SUGCT: variants seen among roughly 807,000 people sequenced by gnomAD.
The protein encoded by SUGCT is succinyl-CoA:glutarate-CoA transferase.
Under a neutral mutation model 55.0 loss-of-function variants are expected in SUGCT, and 41 were observed. That is an observed-to-expected ratio of 0.74 (90% CI 0.58 to 0.97). The LOEUF (loss-of-function observed/expected upper bound fraction) is 0.97. SUGCT is among the 50% of genes least tolerant of loss of function. The pLI is 0.00. For missense variants in SUGCT, 568 were observed against 547.8 expected, an observed-to-expected ratio of 1.04 and a Z score of -0.37; for synonymous variants, 187 against 200.4, an observed-to-expected ratio of 0.93 and a Z score of 0.56.
intron 13 of SUGCT, among the ~76,000 whole-genome samples, chr7:40,785,837 C>T (rs1268633337): frequency 1.3e-5 from 2 of 152,084 alleles, no homozygotes; most frequent in East Asian, 1.9e-4. Context: ...CCAGTAATCC[C>T]AGCACTTTGG....
chr7:40,483,709 AAG>A, intron 11 of SUGCT, among the ~76,000 whole-genome samples: 1 of 151,946 alleles, frequency 6.6e-6, no homozygotes, highest in South Asian at 2.1e-4. Flanking sequence ...AAAAAAAAAA[AAG>A]AATAAAACAG....
At chr7:40,948,916 C>T in the SUGCT span, among the ~76,000 whole-genome samples, 6 of 152,132 alleles carry the variant, frequency 3.9e-5, no homozygotes, top group Admixed American at 1.3e-4. Context: ...AATAAACATA[C>T]GTATGCATGT....
At chr7:40,601,468 G>A (rs1798283158) in intron 12 of SUGCT, among the ~76,000 whole-genome samples, 1 of 152,172 alleles carries the variant, frequency 6.6e-6, no homozygotes, top group Non-Finnish European at 1.5e-5. Context: ...AACATTTTCT[G>A]AAGGTTTTGA....
intron 12 of SUGCT, among the ~76,000 whole-genome samples, chr7:40,595,081 CTAAG>C (rs1275876400): frequency 6.6e-6 from 1 of 152,112 alleles, no homozygotes; most frequent in African/African-American, 2.4e-5. Context: ...ATTTAATATT[CTAAG>C]TAAGAAACCA....
chr7:40,604,197 G>A lies in SUGCT; in HGVS notation c.1089+107811G>A, dbSNP rs146276984. Among the ~76,000 whole-genome samples the A allele has an allele frequency of 4.1e-3, 631 of 152,200 alleles. 2 individuals are homozygous for A. The highest frequency in any genetic ancestry group is 0.014 in the African/African-American group (583 of 41,526). On this transcript the variant is annotated intron_variant, in intron 12 of 13. Coordinates refer to ENST00000335693, the MANE Select transcript of SUGCT (RefSeq NM_001193313.2). ...GTGACATCTTTCTGAGTGTTCGCCC[G>A]AGGCCCTTGCTATCTCCTCCCTCTT...
At chr7:40,671,202 G>T (rs920312206) in intron 12 of SUGCT, among the ~76,000 whole-genome samples, 13 of 152,076 alleles carry the variant, frequency 8.5e-5, no homozygotes, top group Non-Finnish European at 4.4e-5. Context: ...CAATCTGTGG[G>T]ACACCATGGA....
rs1786124300 is a variant in SUGCT, at chr7:40,402,411, T to C, written c.817-46876T>C. Among the ~76,000 whole-genome samples the C allele has an allele frequency of 2.0e-5, 3 of 152,212 alleles. No individual in the cohort carries two copies. The South Asian group carries it at 6.2e-4, about 32-fold the overall frequency. On this transcript the variant is annotated intron_variant, in intron 9 of 13. Transcript: ENST00000335693. ...CTGTGCTATCTGACATCCTATGGCC[T>C]GGAAAACAACTGCCTCAATTAAGAA...
chr7:40,893,131 C>A, the SUGCT span, among the ~76,000 whole-genome samples: 1 of 151,942 alleles, frequency 6.6e-6, no homozygotes, highest in Non-Finnish European at 1.5e-5. Flanking sequence ...GAAGACATAA[C>A]AATTATAAAT....
rs1451230508 is a variant in SUGCT at position 40,663,215 on chromosome 7, T to C, written c.1090-86219T>C. 2.0e-5 allele frequency among the ~76,000 whole-genome samples: 3 copies of C among 152,186 alleles called. No individual in the cohort carries two copies. The East Asian group carries it at 5.8e-4, about 29-fold the overall frequency. ...GAATTGATCAGTCTTATGGACTTTGTTTAATTTTTAATTAAGGGTAATTCT... is the reference window on the plus strand; with the variant it reads ...GAATTGATCAGTCTTATGGACTTTGCTTAATTTTTAATTAAGGGTAATTCT... On this transcript the variant is annotated intron_variant, in intron 12 of 13. Transcript: ENST00000335693.
chr7:40,535,532 T>C (rs1167876017), intron 12 of SUGCT, among the ~76,000 whole-genome samples: 1 of 152,216 alleles, frequency 6.6e-6, no homozygotes, highest in Non-Finnish European at 1.5e-5. Context: ...CCAGCAATCC[T>C]ATTAGTGAGT....
At chr7:40,729,220 A>G (rs1044259805) in intron 12 of SUGCT, among the ~76,000 whole-genome samples, 13 of 152,180 alleles carry the variant, frequency 8.5e-5, no homozygotes, top group Admixed American at 3.9e-4. Flanking sequence ...GTACTCCAAC[A>G]TTTTTGTTTG....
At chr7:40,367,200 G>A (rs543793912) in intron 9 of SUGCT, among the ~76,000 whole-genome samples, 1 of 147,938 alleles carries the variant, frequency 6.8e-6, no homozygotes, top group Non-Finnish European at 1.5e-5. Context: ...TCACTCATAG[G>A]TGGGAATTGA....
chr7:40,465,315 G>A (rs190447760), intron 11 of SUGCT, among the ~76,000 whole-genome samples: 1 of 152,288 alleles, frequency 6.6e-6, no homozygotes, highest in East Asian at 1.9e-4. Flanking sequence ...CATTTAGGCT[G>A]GGTGCGGTGG....
At position 40,598,222 on chromosome 7, in the gene SUGCT, CCACAGCACT is replaced by C. The variant is rs573240199; in HGVS notation, c.1089+101839_1089+101847del. ...GCAGCAGTGTGAAAGGGTAACTGAA[CCACAGCACT>C]CAATATACTGGAACCATGCCTTTCT... On this transcript the variant is annotated intron_variant, in intron 12 of 13. Coordinates refer to ENST00000335693, the MANE Select transcript of SUGCT (RefSeq NM_001193313.2). Among the ~76,000 whole-genome samples, 510 of 152,276 alleles carry C rather than the reference CCACAGCACT, an allele frequency of 3.3e-3. 2 individuals are homozygous for C. The highest frequency in any genetic ancestry group is 0.012 in the African/African-American group (483 of 41,564).
chr7:40,328,725 G>GTGTGTA (rs1210585284), intron 9 of SUGCT, among the ~76,000 whole-genome samples: 1 of 151,042 alleles, frequency 6.6e-6, no homozygotes, highest in African/African-American at 2.5e-5. Context: ...GTGTATGTGT[G>GTGTGTA]TGTGTATGTG....
At chr7:40,796,753 G>A (rs1239896812) in intron 13 of SUGCT, among the ~76,000 whole-genome samples, 1 of 152,174 alleles carries the variant, frequency 6.6e-6, no homozygotes, top group East Asian at 1.9e-4. Context: ...GCTACAGGTT[G>A]CATCTTTTTA....
the SUGCT span, among the ~76,000 whole-genome samples, chr7:40,899,563 G>A: frequency 6.6e-6 from 1 of 152,022 alleles, no homozygotes; most frequent in Non-Finnish European, 1.5e-5. Flanking sequence ...GGCATTATGA[G>A]TATTCCCGGG....
At chr7:40,447,500 C>A (rs138215950) in intron 9 of SUGCT, among the ~76,000 whole-genome samples, 1 of 151,150 alleles carries the variant, frequency 6.6e-6, no homozygotes, top group East Asian at 2.0e-4. Flanking sequence ...GTAAGTATCC[C>A]GATGACAGAG....
chr7:40,259,424 G>A (rs758054839), intron 7 of SUGCT, among the ~76,000 whole-genome samples: 1 of 152,120 alleles, frequency 6.6e-6, no homozygotes, highest in Non-Finnish European at 1.5e-5. Flanking sequence ...ACTGTATTGT[G>A]TTCCTGAAAA....
Sources: allele counts gnomAD v4.1 joint callset (sites outside exome capture counted in the v4.1 genomes callset), GRCh38; gene constraint gnomAD v4.1.1; transcripts MANE v1.5; gene names NCBI Gene and HGNC (gene_info 2026-07-23, HGNC 2026-07-21).